Variants in SCP2 observed in about 807,000 individuals in gnomAD.
The protein encoded by SCP2 is SCP-2/3-oxoacyl-CoA thiolase.
In SCP2, 48 loss-of-function variants were observed where a neutral mutation model predicts 71.4. The ratio of observed to expected loss-of-function variants is 0.67; its 90% CI spans 0.53 to 0.86. The LOEUF is 0.86. Among genes scored for constraint, SCP2 ranks in the 40% least tolerant of loss-of-function variants. The pLI is 0.00. For synonymous variants in SCP2, 220 were observed against 218.1 expected (o/e 1.01, Z -0.08); for missense variants, 560 against 655.6 (o/e 0.85, Z 1.59).
At position 53,037,879 on chromosome 1, in the gene SCP2, TACACACACACACACAC is replaced by T. The variant is rs34293671; in HGVS notation, c.1339-1002_1339-987del. Among the ~76,000 whole-genome samples the T allele has an allele frequency of 2.3e-3, 193 of 84,614 alleles. 1 individual carries two copies. The highest frequency in any genetic ancestry group is 5.3e-3 in the African/African-American group (125 of 23,748). 55.5% of individuals were successfully genotyped at this position (84,614 alleles called of 152,430 possible). On this transcript the variant is annotated intron_variant, in intron 13 of 15. Transcript: ENST00000371514. The stretch of plus-strand genomic sequence containing the variant: ...AACATAGGGAGATCCTGTCTCTACA[TACACACACACACACAC>T]ACACACACACACACACACACACACA...
intron 6 of SCP2, among the ~76,000 whole-genome samples, chr1:52,967,143 T>C (rs1023311557): frequency 6.6e-6 from 1 of 152,092 alleles, no homozygotes; most frequent in Non-Finnish European, 1.5e-5. Context: ...TGAGCCGAGA[T>C]TGTGCCACTG....
chr1:52,934,873 G>C (rs1210841254), intron 1 of SCP2: 2 of 149,614 alleles, frequency 1.3e-5, no homozygotes, highest in East Asian at 4.0e-4. Flanking sequence ...CACGGTGTTA[G>C]CCAGGATGGT....
rs142767525 is a variant in SCP2, at chr1:52,959,272, C to G, written c.397-2231C>G. Among the ~76,000 whole-genome samples the G allele has an allele frequency of 5.3e-5, 8 of 151,710 alleles. No individual in the cohort carries two copies. In the East Asian group the frequency reaches 1.6e-3, roughly 29 times the overall value. On this transcript the variant is annotated intron_variant, in intron 5 of 15. Transcript: ENST00000371514. ...GTACAATGGTGCAGTCTTGGCTCACCGCAACCTCCACCTCCCAGGTTCAAG... is the reference window on the plus strand; with the variant it reads ...GTACAATGGTGCAGTCTTGGCTCACGGCAACCTCCACCTCCCAGGTTCAAG...
At chr1:52,939,747 TG>T (rs1452818114) in intron 1 of SCP2, among the ~76,000 whole-genome samples, 1 of 152,162 alleles carries the variant, frequency 6.6e-6, no homozygotes, top group Admixed American at 6.5e-5. Context: ...GGCACAATCT[TG>T]GCTCACTGCA....
At chr1:52,989,541 G>C (rs1659286751) in intron 11 of SCP2, among the ~76,000 whole-genome samples, 1 of 152,210 alleles carries the variant, frequency 6.6e-6, no homozygotes, top group South Asian at 2.1e-4. Context: ...CACTGAGCAA[G>C]TCAGAACAGA....
chr1:52,943,101 C>G (rs1189970654), intron 2 of SCP2, among the ~76,000 whole-genome samples: 1 of 152,088 alleles, frequency 6.6e-6, no homozygotes. Flanking sequence ...TATTTTTCCA[C>G]TTGCAATCAT....
chr1:52,986,473 A>G (rs1055477656), intron 10 of SCP2, among the ~76,000 whole-genome samples: 5 of 152,270 alleles, frequency 3.3e-5, no homozygotes, highest in African/African-American at 1.2e-4. Flanking sequence ...GGTTTTATCT[A>G]TAACCTAGAT....
intron 11 of SCP2, among the ~76,000 whole-genome samples, chr1:52,997,000 A>G (rs920677423): frequency 1.3e-5 from 2 of 152,136 alleles, no homozygotes; most frequent in African/African-American, 4.8e-5. Context: ...TGAAAATGTG[A>G]CATTGCTCCA....
In SCP2 at chr1:53,018,496, C is replaced by G. The variant is rs112529311; in HGVS notation, c.1235+3453C>G. 6.2e-3 allele frequency among the ~76,000 whole-genome samples: 948 copies of G among 152,174 alleles called. 16 individuals carry two copies. The highest frequency in any genetic ancestry group is 0.022 in the African/African-American group (911 of 41,530). On this transcript the variant is annotated intron_variant, in intron 12 of 15. Coordinates refer to ENST00000371514, the MANE Select transcript of SCP2 (RefSeq NM_002979.5). ...GTATCTCATGCCTGTAATCCCAGCACTTTGGGAGGCTGAGGCGAGTGGATG... is the reference window on the plus strand; with the variant it reads ...GTATCTCATGCCTGTAATCCCAGCAGTTTGGGAGGCTGAGGCGAGTGGATG...
At chr1:52,997,144 G>A (rs1457133522) in intron 11 of SCP2, among the ~76,000 whole-genome samples, 1 of 152,146 alleles carries the variant, frequency 6.6e-6, no homozygotes, top group Non-Finnish European at 1.5e-5. Context: ...ATCAACTGAT[G>A]AGCAAAATGT....
chr1:53,045,949 A>G (rs1056880941), intron 14 of SCP2, among the ~76,000 whole-genome samples: 1 of 138,960 alleles, frequency 7.2e-6, no homozygotes, highest in Non-Finnish European at 1.5e-5. Context: ...ATGATACAGT[A>G]TGTAGCTTTT....
intron 11 of SCP2, 100 bp from the exon 12 acceptor site, chr1:53,014,790 T>A (rs1661214752): frequency 7.3e-7 from 1 of 1,374,930 alleles, no homozygotes; most frequent in East Asian, 2.4e-5. Flanking sequence ...AAACGTGGCC[T>A]CGGCTTAATC....
intron 11 of SCP2, among the ~76,000 whole-genome samples, chr1:52,998,858 G>A (rs553492010): frequency 6.6e-6 from 1 of 152,220 alleles, no homozygotes; most frequent in Admixed American, 6.5e-5. Context: ...GTCTTGACAG[G>A]TCATCTGTTT....
chr1:52,960,712 ATGTGCGTG>A (rs965975026), intron 5 of SCP2, among the ~76,000 whole-genome samples: 3 of 136,366 alleles, frequency 2.2e-5, no homozygotes, highest in African/African-American at 8.7e-5. Flanking sequence ...TGTATATATT[ATGTGCGTG>A]TGTGTGTGTG....
intron 1 of SCP2, among the ~76,000 whole-genome samples, chr1:52,938,697 G>A (rs1456126343): frequency 6.6e-6 from 1 of 152,194 alleles, no homozygotes; most frequent in Non-Finnish European, 1.5e-5. Context: ...GATTTCCCAT[G>A]TGTTTCCCCT....
chr1:52,934,592 CTTTTTTTTTTTTTTTTTTT>C (rs771433635), intron 1 of SCP2, among the ~76,000 whole-genome samples: 27 of 29,060 alleles, frequency 9.3e-4, no homozygotes, highest in South Asian at 2.0e-3. Flanking sequence ...TTCCAGCTAA[CTTTTTTTTTTTTTTTTTTT>C]TTTTTTTTTT....
intron 1 of SCP2, among the ~76,000 whole-genome samples, chr1:52,936,712 A>G (rs553677837): frequency 6.6e-6 from 1 of 152,356 alleles, no homozygotes; most frequent in East Asian, 1.9e-4. Flanking sequence ...AGACTAAACT[A>G]TAATGTCTTT....
chr1:52,978,827 G>T (rs1658216282), intron 9 of SCP2, among the ~76,000 whole-genome samples: 1 of 152,084 alleles, frequency 6.6e-6, no homozygotes, highest in Non-Finnish European at 1.5e-5. Context: ...CTTCCAAAAT[G>T]CTGGGATTAC....
In SCP2 at chr1:53,018,015, C is replaced by T. The variant is rs146987108; in HGVS notation, c.1235+2972C>T. On this transcript the variant is annotated intron_variant, in intron 12 of 15. Coordinates refer to ENST00000371514, the MANE Select transcript of SCP2 (RefSeq NM_002979.5). Reference sequence around the variant, plus strand: ...GATTACAGGTGCTCACTACCACGCCCGGCTTATTTTTCTATTTGTAGTAAA... The same window carrying T: ...GATTACAGGTGCTCACTACCACGCCTGGCTTATTTTTCTATTTGTAGTAAA... Among the ~76,000 whole-genome samples, 957 of 152,146 alleles carry T rather than the reference C, an allele frequency of 6.3e-3. 15 individuals carry two copies. The highest frequency in any genetic ancestry group is 0.022 in the African/African-American group (910 of 41,500).
Sources: gnomAD v4.1 joint callset for allele counts (sites outside exome capture counted in the v4.1 genomes callset) on GRCh38, gnomAD v4.1.1 for gene constraint, MANE v1.5 for transcripts, NCBI Gene and HGNC (gene_info 2026-07-23, HGNC 2026-07-21) for gene names.